OSCAR: variants seen among roughly 807,000 people sequenced by gnomAD.
OSCAR encodes osteoclast associated Ig-like receptor.
A neutral mutation model predicts 27.3 loss-of-function variants in OSCAR; 25 were observed. That is an observed-to-expected ratio of 0.92 (90% CI 0.67 to 1.28). The LOEUF (loss-of-function observed/expected upper bound fraction) is 1.28, where lower values mean the gene tolerates loss of function less well. OSCAR is among the 50% of genes most tolerant of loss of function. The pLI, the probability that OSCAR is intolerant of heterozygous loss-of-function variation, is 0.00. For synonymous variants in OSCAR, 158 were observed against 165.7 expected (o/e 0.95, Z 0.36); for missense variants, 354 against 355.1 (o/e 1.00, Z 0.03).
At chr19:54,097,207 C>A in intron 2 of OSCAR, 43 bp from the exon 3 acceptor site, 1 of 1,548,454 alleles carries the variant, frequency 6.5e-7, no homozygotes, top group Non-Finnish European at 8.8e-7. Context: ...CTCCTGGGAG[C>A]CCCAGAAGAT....
intron 2 of OSCAR, among the ~76,000 whole-genome samples, chr19:54,098,961 C>T (rs1169487038): frequency 2.6e-5 from 4 of 151,168 alleles, no homozygotes; most frequent in Non-Finnish European, 5.9e-5. Context: ...CCGGCCTGGG[C>T]GACAGAGAGA....
chr19:54,097,006 C>T lies in OSCAR; in HGVS notation c.229G>A (p.Asp77Asn). 1 of 1,614,154 alleles carries T rather than the reference C, an allele frequency of 6.2e-7. No individual in the cohort carries two copies. Among genetic ancestry groups the T allele is most frequent in the Admixed American group, 1.7e-5 (1 of 60,004 alleles). ...PGEIAPLLFR[D>N]VSSELAEFFL... ...AATTCTGCCAGCTCGGAGGACACAT[C>T]CCGGAAGAGAAGGGGAGCGATCTCT... The change falls in exon 3 of 5, where the codon GAT becomes AAT. Residue 77 changes from aspartate to asparagine, a missense_variant. By Grantham distance (23) the Asp-to-Asn change is conservative. Transcript: ENST00000358375.
intron 4 of OSCAR, 33 bp from the exon 5 acceptor site, chr19:54,095,390 G>T (rs2072588581): frequency 1.9e-6 from 3 of 1,542,412 alleles, no homozygotes; most frequent in African/African-American, 1.4e-5. Flanking sequence ...GGGGCCATCA[G>T]CTCCCGGACC....
In OSCAR at chr19:54,097,308, A is replaced by G. The variant is rs370801007; in HGVS notation, c.71-144T>C. The G allele has an allele frequency of 4.8e-5, 40 of 836,264 alleles. No homozygotes were observed. The African/African-American group carries it at 6.4e-4, about 13-fold the overall frequency. The allele number at this position is 836,264 out of a possible 1,614,324, so 51.8% of individuals were successfully genotyped here. On this transcript the variant is annotated intron_variant, in intron 2 of 4. Coordinates refer to ENST00000358375, the MANE Select transcript of OSCAR (RefSeq NM_133169.6). ...TTCCTGTTTGTAAAATCAGGGAGAGACTGGACTACAATCAAGCCTTGTTAA... is the reference window on the plus strand; with the variant it reads ...TTCCTGTTTGTAAAATCAGGGAGAGGCTGGACTACAATCAAGCCTTGTTAA...
chr19:54,099,244 T>TTTTTTTTTTTTTTTTTTTTTTTG (rs1267618078), intron 2 of OSCAR, among the ~76,000 whole-genome samples: 1 of 133,196 alleles, frequency 7.5e-6, no homozygotes, highest in Non-Finnish European at 1.6e-5. Context: ...TTTTTTTTTT[T>TTTTTTTTTTTTTTTTTTTTTTTG]TTTTTTTTTA....
At chr19:54,099,024 C>T (rs1297342655) in intron 2 of OSCAR, among the ~76,000 whole-genome samples, 1 of 146,554 alleles carries the variant, frequency 6.8e-6, no homozygotes, top group Non-Finnish European at 1.5e-5. Context: ...GTAGAGATAG[C>T]TATAGCGACA....
intron 2 of OSCAR, among the ~76,000 whole-genome samples, chr19:54,098,155 GATTA>G (rs766555000): frequency 2.0e-5 from 3 of 152,256 alleles, no homozygotes; most frequent in Admixed American, 6.5e-5. Flanking sequence ...TTGTATGGAA[GATTA>G]ATTAATTTGA....
intron 2 of OSCAR, among the ~76,000 whole-genome samples, chr19:54,099,229 ATTTTTT>A (rs1228940404): frequency 8.5e-5 from 7 of 82,428 alleles, no homozygotes; most frequent in African/African-American, 1.0e-4. Context: ...CACCCGGCTA[ATTTTTT>A]TTTTTTTTTT....
chr19:54,098,880 G>C (rs990321115), intron 2 of OSCAR, among the ~76,000 whole-genome samples: 3 of 151,418 alleles, frequency 2.0e-5, no homozygotes, highest in Admixed American at 1.3e-4. Flanking sequence ...CAGCTACTCA[G>C]GAGGCTGAGG....
In OSCAR at chr19:54,099,244, T is replaced by TTG. The variant is rs1555783357; in HGVS notation, c.70+503_70+504insCA. 6.8e-5 allele frequency among the ~76,000 whole-genome samples: 9 copies of TTG among 133,258 alleles called. No individual in the cohort carries two copies. The Admixed American group carries it at 7.5e-4, about 11-fold the overall frequency. The allele number at this position is 133,258 out of a possible 152,430, so 87.4% of individuals were successfully genotyped here. A position where few individuals can be genotyped will look rare whatever the true frequency, so the allele number is the denominator to read the frequency against. ...CACCCGGCTAATTTTTTTTTTTTTTTTTTTTTTTTAGTAGAGACGGGGTTT... is the reference window on the plus strand; with the variant it reads ...CACCCGGCTAATTTTTTTTTTTTTTTTGTTTTTTTTTAGTAGAGACGGGGTTT... On this transcript the variant is annotated intron_variant, in intron 2 of 4. Transcript: ENST00000358375.
intron 2 of OSCAR, among the ~76,000 whole-genome samples, chr19:54,097,892 C>T (rs765937713): frequency 3.4e-4 from 52 of 152,130 alleles, no homozygotes; most frequent in Non-Finnish European, 5.7e-4. Flanking sequence ...TGAGCCACCA[C>T]GCCCAGCCAG....
At position 54,094,994 on chromosome 19, in the gene OSCAR, C is replaced by T; in HGVS notation, c.*227G>A. 5 of 617,746 alleles carry T rather than the reference C, an allele frequency of 8.1e-6. No individual in the cohort carries two copies. The highest frequency in any genetic ancestry group is 1.9e-5 in the African/African-American group (1 of 52,728). The allele number at this position is 617,746 out of a possible 1,614,324, so 38.3% of individuals were successfully genotyped here. The stretch of plus-strand genomic sequence containing the variant: ...ACGGCAGTGCTGGGATTCGAACCCT[C>T]TGTCTTCTGGCTTGGAAGTCTTAAC... On this transcript the variant is annotated 3_prime_UTR_variant, in exon 5 of 5. Coordinates refer to ENST00000358375, the MANE Select transcript of OSCAR (RefSeq NM_133169.6).
Position 54,099,791 on chromosome 19 carries a change from T to C in OSCAR, c.38-11A>G. ...TGTGACACAGAGGCCCTGTAGGAGG[T>C]TGAGGGACTAGTTTCTTTTTCCTTT... On this transcript the variant is annotated splice_polypyrimidine_tract_variant and intron_variant, in intron 1 of 4. Transcript: ENST00000358375. The C allele has an allele frequency of 1.1e-5, 18 of 1,601,908 alleles. No homozygotes were observed. The highest frequency in any genetic ancestry group is 1.5e-5 in the Non-Finnish European group (18 of 1,176,390).
At position 54,100,787 on chromosome 19, in the gene OSCAR, G is replaced by A. The variant is rs2073006937; in HGVS notation, c.6C>T (p.Ala2=). The change falls in exon 1 of 5, where the codon GCC becomes GCT. Residue 2 remains alanine (A), a synonymous_variant. Coordinates refer to ENST00000358375, the MANE Select transcript of OSCAR (RefSeq NM_133169.6). ...TCAGCAGCTGGAGGATCAGCACCAGGGCCATGGTGGGCAGATACCCGCTAG... is the reference window on the plus strand; with the variant it reads ...TCAGCAGCTGGAGGATCAGCACCAGAGCCATGGTGGGCAGATACCCGCTAG... The part of the protein sequence containing the change: M[A]LVLILQLLTL... The A allele has an allele frequency of 1.3e-5, 20 of 1,552,010 alleles. No homozygotes were observed. The highest frequency in any genetic ancestry group is 1.7e-5 in the Non-Finnish European group (19 of 1,147,168).
At chr19:54,099,244 T>TGTTTTTG (rs1568546064) in intron 2 of OSCAR, among the ~76,000 whole-genome samples, 1 of 133,196 alleles carries the variant, frequency 7.5e-6, no homozygotes, top group Non-Finnish European at 1.6e-5. Flanking sequence ...TTTTTTTTTT[T>TGTTTTTG]TTTTTTTTTA....
Position 54,096,892 on chromosome 19 carries a change from G to C in OSCAR, c.343C>G (p.Pro115Ala), listed in dbSNP as rs1447776294. 6.2e-7 allele frequency: 1 copy of C among 1,613,950 alleles called. No homozygotes were observed. The highest frequency in any genetic ancestry group is 2.2e-5 in the East Asian group (1 of 44,874). The stretch of plus-strand genomic sequence containing the variant: ...ACCAGCAGCTCCAGGACATCGCTGG[G>C]CTGGGACCAGACACCCGGCCCCCAG... ...PDWGPGVWSQ[P>A]SDVLELLVTE... The change falls in exon 3 of 5, where the codon CCC becomes GCC. Residue 115 changes from proline to alanine, a missense_variant. By Grantham distance (27) the Pro-to-Ala change is conservative. Transcript: ENST00000358375.
At chr19:54,097,357 A>G (rs1025330304) in intron 2 of OSCAR, among the ~76,000 whole-genome samples, 193 bp from the exon 3 acceptor site, 3 of 152,194 alleles carry the variant, frequency 2.0e-5, no homozygotes, top group Non-Finnish European at 4.4e-5. Context: ...TCAGAGGGGC[A>G]GGACAGAAAC....
Position 54,097,071 on chromosome 19 carries a change from G to T in OSCAR, c.164C>A (p.Ala55Glu), listed in dbSNP as rs2072782027. 6.2e-7 allele frequency: 1 copy of T among 1,614,082 alleles called. No individual in the cohort carries two copies. The highest frequency in any genetic ancestry group is 8.5e-7 in the Non-Finnish European group (1 of 1,180,038). Residue 55 changes from alanine (A) to glutamate (E), a missense_variant, in exon 3 of 5, where the codon GCA (alanine) becomes GAA (glutamate). Transcript: ENST00000358375. ...TCCAAATCTCCAAGCGGGTTGGGGT[G>T]CCCGGCATCTCAAGGTCACGTTGAC... ...PGVNVTLRCR[A>E]PQPAWRFGLF...
In OSCAR at chr19:54,097,116, GC is replaced by G. The variant is rs2072786636; in HGVS notation, c.118del (p.Ala40LeufsTer4). On this transcript the variant is annotated frameshift_variant, in exon 3 of 5. Coordinates refer to ENST00000358375, the MANE Select transcript of OSCAR (RefSeq NM_133169.6). LOFTEE classifies it high-confidence loss of function. Reference sequence around the variant, plus strand: ...GTTGACCCCAGGGGTCACAACTGTAGCCGGCTGAGCTCCCAGCCATGGCTTA... The same window carrying G: ...GTTGACCCCAGGGGTCACAACTGTAGCGGCTGAGCTCCCAGCCATGGCTTA... ...HPKPWLGAQP[A>X]TVVTPGVNVT... 6.2e-7 allele frequency: 1 copy of G among 1,614,066 alleles called. No homozygotes were observed.
Sources: allele counts gnomAD v4.1 joint callset (sites outside exome capture counted in the v4.1 genomes callset), GRCh38; gene constraint gnomAD v4.1.1; transcripts MANE v1.5; gene names NCBI Gene and HGNC (gene_info 2026-07-23, HGNC 2026-07-21).